The following ACACB variants were observed in gnomAD, a reference collection of about 807,000 sequenced individuals.
The protein encoded by ACACB is acetyl-CoA carboxylase beta, also known as acetyl-CoA carboxylase 2.
A neutral mutation model predicts 278.8 loss-of-function variants in ACACB; 209 were observed. The observed-to-expected ratio is 0.75, with a 90% CI of 0.67 to 0.84. The LOEUF is 0.84. ACACB is among the 40% of genes least tolerant of loss of function. The pLI is 0.00. For synonymous variants in ACACB, 1,174 were observed against 1,285.6 expected, an observed-to-expected ratio of 0.91 and a Z score of 1.86; for missense variants, 2,850 against 3,269.0, an observed-to-expected ratio of 0.87 and a Z score of 3.13.
chr12:109,216,958 GGTCAGGA>G, intron 24 of ACACB, 38 bp downstream of exon 24: 2 of 1,601,926 alleles, frequency 1.2e-6, no homozygotes, highest in Non-Finnish European at 1.7e-6. Flanking sequence ...ACTGGGGGTG[GGTCAGGA>G]GTCCACAAAC....
chr12:109,176,605 G>A (rs1186433882), intron 9 of ACACB, among the ~76,000 whole-genome samples: 1 of 152,094 alleles, frequency 6.6e-6, no homozygotes, highest in Non-Finnish European at 1.5e-5. Context: ...TATTTCTAAT[G>A]TTTCTAGATG....
intron 2 of ACACB, among the ~76,000 whole-genome samples, chr12:109,161,104 G>T (rs73197486): frequency 6.6e-6 from 1 of 152,158 alleles, no homozygotes; most frequent in African/African-American, 2.4e-5. Context: ...AAACAGTTTG[G>T]AGAGTTCTCA....
chr12:109,212,910 C>G lies in ACACB; in HGVS notation c.3324C>G (p.Thr1108=), dbSNP rs774656373. Residue 1108 remains threonine (T), a synonymous_variant, in exon 22 of 53, where the codon ACC becomes ACG. Coordinates refer to ENST00000338432, the MANE Select transcript of ACACB (RefSeq NM_001093.4). The part of the protein sequence containing the change: ...KADREVFFIN[T]QSIVQLVQRY... ...ATCGAGAGGTCTTCTTCATCAACAC[C>G]CAGAGCATCGTGCAGTTGGTCCAGA... The G allele has an allele frequency of 3.1e-6, 5 of 1,614,114 alleles. No homozygotes were observed. In the South Asian group the frequency reaches 4.4e-5, roughly 14 times the overall value.
chr12:109,201,527 C>T (rs373976801), intron 18 of ACACB, 40 bp from the exon 19 acceptor site: 34 of 1,607,022 alleles, frequency 2.1e-5, no homozygotes, highest in Non-Finnish European at 2.6e-5. Context: ...GGGTGTCAAT[C>T]CCGGTGGGCT....
intron 44 of ACACB, among the ~76,000 whole-genome samples, chr12:109,255,094 C>CCA (rs2047190742): frequency 6.6e-6 from 1 of 151,238 alleles, no homozygotes; most frequent in African/African-American, 2.5e-5. Context: ...TCTTCTATAC[C>CCA]TACACACACA....
At chr12:109,235,715 G>C in intron 33 of ACACB, 68 bp downstream of exon 33, 1 of 1,442,218 alleles carries the variant, frequency 6.9e-7, no homozygotes, top group South Asian at 1.2e-5. Flanking sequence ...AGATGGGATG[G>C]GGCCGGGTGT....
Position 109,264,325 on chromosome 12 carries a change from C to T in ACACB, c.6881C>T (p.Ala2294Val), listed in dbSNP as rs139826793. ...CTGCTCCCCATCTACCACCAGGTGG[C>T]GGTGCAGTTCGCCGACTTCCATGAC... is the stretch of plus-strand genomic sequence containing the variant. ...DLLLPIYHQV[A>V]VQFADFHDTP... is the part of the protein sequence containing the mutation. Residue 2294 changes from alanine to valine, a missense_variant, in exon 50 of 53, where the codon GCG becomes GTG. By Grantham distance (64) the Ala-to-Val change is moderately conservative. This residue lies in a region of ACACB where 579 missense variants were observed against 684.6 expected (regional missense o/e 0.85). Transcript: ENST00000338432. The T allele has an allele frequency of 1.6e-5, 26 of 1,613,956 alleles. No individual in the cohort carries two copies. The highest frequency in any genetic ancestry group is 5.3e-5 in the African/African-American group (4 of 74,876).
intron 11 of ACACB, among the ~76,000 whole-genome samples, 175 bp downstream of exon 11, chr12:109,180,262 T>G (rs944798352): frequency 2.7e-4 from 41 of 152,334 alleles, no homozygotes; most frequent in African/African-American, 9.9e-4. Context: ...AAAATATCTT[T>G]TATACAATTT....
intron 43 of ACACB, among the ~76,000 whole-genome samples, chr12:109,253,889 T>C (rs1478095259): frequency 6.6e-6 from 1 of 152,218 alleles, no homozygotes; most frequent in Non-Finnish European, 1.5e-5. Flanking sequence ...AATCTCTTTT[T>C]CTTTCTTTTA....
intron 19 of ACACB, among the ~76,000 whole-genome samples, chr12:109,202,353 C>T (rs2045362211): frequency 1.3e-5 from 2 of 151,912 alleles, no homozygotes; most frequent in African/African-American, 2.4e-5. Context: ...CTCGCTCTGT[C>T]GCCCAGGCTG....
chr12:109,193,811 A>C (rs1229505318), intron 16 of ACACB, 82 bp downstream of exon 16: 1 of 1,288,448 alleles, frequency 7.8e-7, no homozygotes, highest in Non-Finnish European at 1.1e-6. Context: ...CCATCCCTGG[A>C]GTGGATTTGC....
rs2044633114 is a variant in ACACB, at chr12:109,185,696, G to A, written c.1936G>A (p.Gly646Ser). Residue 646 changes from glycine (G) to serine (S), a missense_variant, in exon 12 of 53, where the codon GGC (glycine) becomes AGC (serine). Coordinates refer to ENST00000338432, the MANE Select transcript of ACACB (RefSeq NM_001093.4). ...ETPSNPPLAR[G>S]HVIAARITSE... ...CCCCTCAAACCCTCCCCTCGCCCGA[G>A]GCCACGTCATTGCCGCCAGAATCAC... is the stretch of plus-strand genomic sequence containing the variant. 6.2e-7 allele frequency: 1 copy of A among 1,612,828 alleles called. No homozygotes were observed. Among genetic ancestry groups the A allele is most frequent in the Admixed American group, 1.7e-5 (1 of 59,866 alleles).
chr12:109,118,410 T>C (rs553996205), intron 1 of ACACB, among the ~76,000 whole-genome samples: 4 of 147,304 alleles, frequency 2.7e-5, no homozygotes, highest in East Asian at 2.0e-4. Context: ...TTTGACCTTG[T>C]TCTTTTTTTT....
chr12:109,177,033 C>G (rs773153347), intron 9 of ACACB, among the ~76,000 whole-genome samples: 1 of 152,252 alleles, frequency 6.6e-6, no homozygotes, highest in Non-Finnish European at 1.5e-5. Context: ...TACTGACAAT[C>G]TTCCCATTCT....
At chr12:109,146,066 G>A (rs1050513618) in intron 2 of ACACB, among the ~76,000 whole-genome samples, 1 of 152,146 alleles carries the variant, frequency 6.6e-6, no homozygotes, top group Non-Finnish European at 1.5e-5. Flanking sequence ...TGTATCCTCT[G>A]GCAAATCTTC....
chr12:109,235,044 C>T (rs2046594489), intron 31 of ACACB, among the ~76,000 whole-genome samples: 1 of 152,070 alleles, frequency 6.6e-6, no homozygotes, highest in Non-Finnish European at 1.5e-5. Context: ...AACCCTGTAC[C>T]TGTTAGCAGT....
At chr12:109,203,462 C>T (rs2045396942) in intron 19 of ACACB, among the ~76,000 whole-genome samples, 1 of 152,230 alleles carries the variant, frequency 6.6e-6, no homozygotes, top group Admixed American at 6.5e-5. Flanking sequence ...CACACCGTAC[C>T]TCACAAAGAT....
chr12:109,117,359 CA>C (rs36115918), intron 1 of ACACB, among the ~76,000 whole-genome samples: 71,738 of 113,802 alleles, frequency 0.63, 19,681 homozygotes, highest in East Asian at 0.75. Flanking sequence ...GACTCTGTCT[CA>C]AAAAAAAAAA....
chr12:109,206,594 C>G, intron 19 of ACACB, 116 bp from the exon 20 acceptor site: 134 of 1,226,022 alleles, frequency 1.1e-4, no homozygotes, highest in Middle Eastern at 2.9e-4. Context: ...TTTCCTCAGA[C>G]CTCATCCTCA....
Sources: gnomAD v4.1 joint callset for allele counts (sites outside exome capture counted in the v4.1 genomes callset) on GRCh38, gnomAD v4.1.1 for gene constraint, gnomAD v4.1.1 regional missense constraint, MANE v1.5 for transcripts, NCBI Gene and HGNC (gene_info 2026-07-23, HGNC 2026-07-21) for gene names.